PPP1R18: variants seen among roughly 807,000 people sequenced by gnomAD.
The protein encoded by PPP1R18 is phostensin.
A neutral mutation model predicts 54.8 loss-of-function variants in PPP1R18; 31 were observed. The ratio of observed to expected loss-of-function variants is 0.57; its 90% CI spans 0.43 to 0.76. PPP1R18 has a LOEUF of 0.76. Ranked by LOEUF, PPP1R18 falls within the 30% of genes least tolerant of loss-of-function variation. The probability of loss-of-function intolerance (pLI) is 0.00; values close to 1 mark genes in which losing one functional copy is unlikely to be tolerated. For synonymous variants in PPP1R18, 310 were observed against 320.2 expected (o/e 0.97, Z 0.34); for missense variants, 685 against 776.1 (o/e 0.88, Z 1.39).
rs776966518 is a variant in PPP1R18, at chr6:30,685,313, T to C, written c.706A>G (p.Thr236Ala). The C allele has an allele frequency of 1.2e-6, 2 of 1,612,984 alleles. No homozygotes were observed. Among genetic ancestry groups the C allele is most frequent in the South Asian group, 2.2e-5 (2 of 91,092 alleles). ...TCAGGTCTCCATTTATGGGCCTCTG[T>C]CAGGCCCAACTTCTGGTAGGCAGAT... ...GESAYQKLGL[T>A]EAHKWRPDSR... Residue 236 changes from threonine to alanine, a missense_variant, in exon 1 of 3, where the codon ACA becomes GCA. By Grantham distance (58) the Thr-to-Ala change is moderately conservative. Coordinates refer to ENST00000274853, the MANE Select transcript of PPP1R18 (RefSeq NM_133471.4). This position sits in a 1 kb window ranked among gnomAD's most constrained non-coding sequence, Gnocchi z 5.0.
Position 30,684,922 on chromosome 6 carries a change from A to C in PPP1R18, c.1097T>G (p.Leu366Arg), listed in dbSNP as rs757842165. 1.4e-5 allele frequency: 22 copies of C among 1,612,918 alleles called. No homozygotes were observed. The South Asian group carries it at 1.8e-4, about 13-fold the overall frequency. ...PEPPESAEKL[L>R]ESPGVEAGEG... ...TCCAGCCTCCACACCGGGAGATTCCAGAAGCTTCTCTGCTGACTCTGGAGG... is the reference window on the plus strand; with the variant it reads ...TCCAGCCTCCACACCGGGAGATTCCCGAAGCTTCTCTGCTGACTCTGGAGG... The change falls in exon 1 of 3, where the codon CTG (leucine) becomes CGG (arginine). Residue 366 changes from leucine to arginine, a missense_variant. Transcript: ENST00000274853. The surrounding 1 kb of genome is among the most constrained non-coding windows in gnomAD (Gnocchi z 6.0).
At position 30,684,655 on chromosome 6, in the gene PPP1R18, C is replaced by T. The variant is rs764027343; in HGVS notation, c.1364G>A (p.Gly455Glu). Residue 455 changes from glycine to glutamate, a missense_variant, in exon 1 of 3, where the codon GGG becomes GAG. Transcript: ENST00000274853. This position sits in a 1 kb window ranked among gnomAD's most constrained non-coding sequence, Gnocchi z 6.0. ...CCCCACCCCTGGCCCTGCCTTCACC[C>T]CATAGAACAGGCGGCTCATGAGGGG... ...GDPLMSRLFYGVKAGPGVGAP... is the reference protein window; with the variant it reads ...GDPLMSRLFYEVKAGPGVGAP... The T allele has an allele frequency of 2.0e-6, 3 of 1,510,752 alleles. No homozygotes were observed. Among genetic ancestry groups the T allele is most frequent in the Non-Finnish European group, 2.7e-6 (3 of 1,127,648 alleles). The allele number at this position is 1,510,752 out of a possible 1,614,324, so 93.6% of individuals were successfully genotyped here.
intron 1 of PPP1R18, among the ~76,000 whole-genome samples, chr6:30,682,334 C>T (rs918022064): frequency 1.3e-5 from 2 of 152,170 alleles, no homozygotes; most frequent in Non-Finnish European, 2.9e-5. Context: ...TGGGGTAGGG[C>T]ACCAGCCACA....
chr6:30,682,328 G>A (rs560061293), intron 1 of PPP1R18, among the ~76,000 whole-genome samples: 28 of 152,266 alleles, frequency 1.8e-4, no homozygotes, highest in Non-Finnish European at 1.5e-5. Flanking sequence ...GGCCTCTGGG[G>A]TAGGGCACCA....
chr6:30,685,700 C>A lies in PPP1R18; in HGVS notation c.319G>T (p.Glu107Ter). 6.2e-7 allele frequency: 1 copy of A among 1,613,130 alleles called. No individual in the cohort carries two copies. The highest frequency in any genetic ancestry group is 8.5e-7 in the Non-Finnish European group (1 of 1,180,042). Residue 107 changes from glutamate (E) to a stop codon, truncating the protein, a stop_gained, in exon 1 of 3, where the codon GAG becomes TAG. Coordinates refer to ENST00000274853, the MANE Select transcript of PPP1R18 (RefSeq NM_133471.4). LOFTEE classifies it high-confidence loss of function. The surrounding 1 kb of genome is among the most constrained non-coding windows in gnomAD (Gnocchi z 5.0). ...QQQQQQQRSE[E>*]LLAERKPGPL... ...CCAGGCTTTCTCTCTGCTAGCAGCT[C>A]TTCACTCCGTTGTTGTTGCTGCTGC... is the stretch of plus-strand genomic sequence containing the variant.
rs1456815927 is a variant in PPP1R18 at position 30,684,855 on chromosome 6, C to A, written c.1164G>T (p.Arg388Ser). ...AGCAGTTCTGCAGGGCTCTCAGAGG[C>A]CTGCCCTGAGCCCCCGCCTCCTCCT... ...AEKEEAGAQG[R>S]PLRALQNCCS... The change falls in exon 1 of 3, where the codon AGG becomes AGT. Residue 388 changes from arginine to serine, a missense_variant. By Grantham distance (110) the Arg-to-Ser change is moderately radical. Transcript: ENST00000274853. The surrounding 1 kb of genome is among the most constrained non-coding windows in gnomAD (Gnocchi z 6.0). 3.1e-6 allele frequency: 5 copies of A among 1,612,706 alleles called. No individual in the cohort carries two copies. In the African/African-American group the frequency reaches 6.7e-5, roughly 22 times the overall value.
rs755767231 is a variant in PPP1R18 at position 30,684,590 on chromosome 6, G to A, written c.1429C>T (p.Arg477Trp). The change falls in exon 1 of 3, where the codon CGG becomes TGG. Residue 477 changes from arginine to tryptophan, a missense_variant. Coordinates refer to ENST00000274853, the MANE Select transcript of PPP1R18 (RefSeq NM_133471.4). This position sits in a 1 kb window ranked among gnomAD's most constrained non-coding sequence, Gnocchi z 6.0. ...GGGGTCGCAGGGGGCACAGACCGCC[G>A]GGGGTTGACGGTGAAGGTGTGTCCA... The part of the protein sequence containing the change: ...RSGHTFTVNP[R>W]RSVPPATPAT... The A allele has an allele frequency of 4.1e-5, 65 of 1,597,494 alleles. No individual in the cohort carries two copies. Among genetic ancestry groups the A allele is most frequent in the African/African-American group, 2.7e-5 (2 of 74,686 alleles).
At chr6:30,678,263 T>TG (rs1770314361) in intron 2 of PPP1R18, among the ~76,000 whole-genome samples, 1 of 151,840 alleles carries the variant, frequency 6.6e-6, no homozygotes, top group Non-Finnish European at 1.5e-5. Flanking sequence ...TGGAGTGCAG[T>TG]GGGTGGTGCA....
Position 30,676,995 on chromosome 6 carries a change from G to C in PPP1R18, c.*274C>G. ...GTGCTCCATCTCCACCCTCCAGGGA[G>C]TTCTGTGCCCCTTCTCAGGACTTGG... On this transcript the variant is annotated 3_prime_UTR_variant, in exon 3 of 3. Coordinates refer to ENST00000274853, the MANE Select transcript of PPP1R18 (RefSeq NM_133471.4). 1 of 615,114 alleles carries C rather than the reference G, an allele frequency of 1.6e-6. No individual in the cohort carries two copies. The highest frequency in any genetic ancestry group is 1.8e-5 in the South Asian group (1 of 55,990). The allele number at this position is 615,114 out of a possible 1,614,324, so 38.1% of individuals were successfully genotyped here.
Position 30,676,959 on chromosome 6 carries a change from A to T in PPP1R18, c.*310T>A. 1 of 537,270 alleles carries T rather than the reference A, an allele frequency of 1.9e-6. No individual in the cohort carries two copies. The highest frequency in any genetic ancestry group is 3.3e-6 in the Non-Finnish European group (1 of 303,016). The allele number at this position is 537,270 out of a possible 1,614,324, so 33.3% of individuals were successfully genotyped here. ...GGCTGTGGGGAGAGTGTACCCTGCC[A>T]TGGGGGGCAGGTGCTCCATCTCCAC... is the stretch of plus-strand genomic sequence containing the variant. On this transcript the variant is annotated 3_prime_UTR_variant, in exon 3 of 3. Transcript: ENST00000274853.
chr6:30,684,668 G>A lies in PPP1R18; in HGVS notation c.1351C>T (p.Arg451Cys). The A allele has an allele frequency of 7.4e-6, 11 of 1,492,848 alleles. No individual in the cohort carries two copies. The highest frequency in any genetic ancestry group is 2.4e-5 in the Admixed American group (1 of 42,368). 92.5% of individuals were successfully genotyped at this position (1,492,848 alleles called of 1,614,324 possible). Residue 451 changes from arginine to cysteine, a missense_variant, in exon 1 of 3, where the codon CGC becomes TGC. Physicochemically the swap from Arg to Cys is radical, Grantham distance 180. Transcript: ENST00000274853. The surrounding 1 kb of genome is among the most constrained non-coding windows in gnomAD (Gnocchi z 6.0). ...CCTGCCTTCACCCCATAGAACAGGC[G>A]GCTCATGAGGGGATCCCCAGGAGGT... ...PQPPGDPLMS[R>C]LFYGVKAGPG...
At chr6:30,679,484 G>C (rs1307252255) in intron 1 of PPP1R18, 95 bp from the exon 2 acceptor site, 1 of 611,096 alleles carries the variant, frequency 1.6e-6, no homozygotes, top group East Asian at 4.1e-5. Context: ...GGGGGGCGGA[G>C]TCTGCAAGGG....
chr6:30,676,952 C>A lies in PPP1R18; in HGVS notation c.*317G>T. Reference sequence around the variant, plus strand: ...GGAGGAAGGCTGTGGGGAGAGTGTACCCTGCCATGGGGGGCAGGTGCTCCA... The same window carrying A: ...GGAGGAAGGCTGTGGGGAGAGTGTAACCTGCCATGGGGGGCAGGTGCTCCA... On this transcript the variant is annotated 3_prime_UTR_variant, in exon 3 of 3. Transcript: ENST00000274853. The A allele has an allele frequency of 1.9e-6, 1 of 520,348 alleles. No individual in the cohort carries two copies. Among genetic ancestry groups the A allele is most frequent in the Non-Finnish European group, 3.4e-6 (1 of 293,528 alleles). The allele number at this position is 520,348 out of a possible 1,614,324, so 32.2% of individuals were successfully genotyped here.
At chr6:30,680,236 G>A (rs1471129154) in intron 1 of PPP1R18, among the ~76,000 whole-genome samples, 1 of 152,202 alleles carries the variant, frequency 6.6e-6, no homozygotes, top group Non-Finnish European at 1.5e-5. Flanking sequence ...ACTGTCCCAA[G>A]AGCAGGCGAG....
Position 30,684,867 on chromosome 6 carries a change from C to T in PPP1R18, c.1152G>A (p.Gly384=). ...GEGEAEKEEA[G]AQGRPLRALQ... ...GGGCTCTCAGAGGCCTGCCCTGAGCCCCCGCCTCCTCCTTCTCAGCCTCCC... is the reference window on the plus strand; with the variant it reads ...GGGCTCTCAGAGGCCTGCCCTGAGCTCCCGCCTCCTCCTTCTCAGCCTCCC... Residue 384 remains glycine (G), a synonymous_variant, in exon 1 of 3, where the codon GGG becomes GGA. Coordinates refer to ENST00000274853, the MANE Select transcript of PPP1R18 (RefSeq NM_133471.4). The surrounding 1 kb of genome is among the most constrained non-coding windows in gnomAD (Gnocchi z 6.0). 2 of 1,612,894 alleles carry T rather than the reference C, an allele frequency of 1.2e-6. No individual in the cohort carries two copies. Among genetic ancestry groups the T allele is most frequent in the African/African-American group, 1.3e-5 (1 of 75,040 alleles).
At position 30,676,870 on chromosome 6, in the gene PPP1R18, T is replaced by C; in HGVS notation, c.*399A>G. ...AGATGTGCCTATAAATGGAGTGGGG[T>C]CTGGGCCTCCCAGAGAGACGAGTGC... is the stretch of plus-strand genomic sequence containing the variant. On this transcript the variant is annotated 3_prime_UTR_variant, in exon 3 of 3. Coordinates refer to ENST00000274853, the MANE Select transcript of PPP1R18 (RefSeq NM_133471.4). 3.0e-6 allele frequency: 1 copy of C among 333,736 alleles called. No homozygotes were observed. Among genetic ancestry groups the C allele is most frequent in the South Asian group, 2.8e-5 (1 of 36,020 alleles). 20.7% of individuals were successfully genotyped at this position (333,736 alleles called of 1,614,324 possible). A position where few individuals can be genotyped will look rare whatever the true frequency, so the allele number is the denominator to read the frequency against.
intron 2 of PPP1R18, 37 bp from the exon 3 acceptor site, chr6:30,677,325 G>A (rs970638682): frequency 1.3e-6 from 2 of 1,558,896 alleles, no homozygotes; most frequent in Non-Finnish European, 1.7e-6. Flanking sequence ...GAGAATGAGT[G>A]AGAGCCTCTG....
At chr6:30,678,629 C>T (rs1199047614) in intron 2 of PPP1R18, among the ~76,000 whole-genome samples, 1 of 152,044 alleles carries the variant, frequency 6.6e-6, no homozygotes, top group Non-Finnish European at 1.5e-5. Flanking sequence ...CCGCCCGCCT[C>T]GGCCTCCCAA....
chr6:30,679,051 A>G (rs1175402754), intron 2 of PPP1R18, 128 bp downstream of exon 2: 1 of 644,322 alleles, frequency 1.6e-6, no homozygotes, highest in Non-Finnish European at 2.6e-6. Context: ...TTAAAGGAGC[A>G]TGTTGAACCA....
Sources: allele counts gnomAD v4.1 joint callset (sites outside exome capture counted in the v4.1 genomes callset), GRCh38; gene constraint gnomAD v4.1.1; non-coding constraint Gnocchi (gnomAD v3.1); transcripts MANE v1.5; gene names NCBI Gene and HGNC (gene_info 2026-07-23, HGNC 2026-07-21).